The following RALYL variants were observed in gnomAD, a reference collection of about 807,000 sequenced individuals.
RALYL encodes the protein RALY RNA binding protein like.
A neutral mutation model predicts 35.1 loss-of-function variants in RALYL; 29 were observed. The ratio of observed to expected loss-of-function variants is 0.83; its 90% CI spans 0.61 to 1.13. The LOEUF is 1.13. Among genes scored for constraint, RALYL ranks in the 50% most tolerant of loss-of-function variants. The probability of loss-of-function intolerance (pLI) is 0.00; values close to 1 mark genes in which losing one functional copy is unlikely to be tolerated. For missense variants in RALYL, 359 were observed against 360.4 expected, an observed-to-expected ratio of 1.00 and a Z score of 0.03; for synonymous variants, 120 against 127.6, an observed-to-expected ratio of 0.94 and a Z score of 0.40.
At chr8:84,860,190 T>G (rs1169768056) in intron 5 of RALYL, among the ~76,000 whole-genome samples, 1 of 152,256 alleles carries the variant, frequency 6.6e-6, no homozygotes, top group Admixed American at 6.5e-5. Flanking sequence ...TAGTGAACTT[T>G]ACTTGGCCTG....
intron 7 of RALYL, among the ~76,000 whole-genome samples, chr8:84,884,631 A>C (rs898643979): frequency 6.6e-6 from 1 of 152,204 alleles, no homozygotes; most frequent in Non-Finnish European, 1.5e-5. Flanking sequence ...TCATTAGAGA[A>C]GAAATGGATA....
intron 1 of RALYL, among the ~76,000 whole-genome samples, chr8:84,238,177 C>G (rs1388182428): frequency 5.3e-5 from 8 of 151,918 alleles, no homozygotes; most frequent in Admixed American, 2.6e-4. Flanking sequence ...GGTCTATTAT[C>G]AGAGGTGAGG....
At chr8:84,666,488 G>A (rs949720718) in intron 2 of RALYL, among the ~76,000 whole-genome samples, 1 of 152,040 alleles carries the variant, frequency 6.6e-6, no homozygotes, top group African/African-American at 2.4e-5. Flanking sequence ...CATGTGGAAT[G>A]GAAAGGCATT....
intron 1 of RALYL, among the ~76,000 whole-genome samples, chr8:84,288,216 G>A (rs1838047736): frequency 6.6e-6 from 1 of 151,776 alleles, no homozygotes; most frequent in African/African-American, 2.4e-5. Context: ...CCTTAGAAAT[G>A]TCTGGTTGCT....
intron 1 of RALYL, among the ~76,000 whole-genome samples, chr8:84,435,381 T>G (rs2047601265): frequency 6.6e-6 from 1 of 152,116 alleles, no homozygotes. Flanking sequence ...TGGATGAAAT[T>G]TTTTCTCAAA....
intron 8 of RALYL, among the ~76,000 whole-genome samples, chr8:84,912,089 T>C (rs1237567181): frequency 1.3e-5 from 2 of 152,054 alleles, no homozygotes; most frequent in African/African-American, 4.8e-5. Flanking sequence ...GTTCAAACCC[T>C]CTAGTCATTC....
At chr8:84,612,088 C>A (rs1403569430) in intron 2 of RALYL, among the ~76,000 whole-genome samples, 2 of 151,826 alleles carry the variant, frequency 1.3e-5, no homozygotes, top group African/African-American at 4.8e-5. Flanking sequence ...CATATACTAA[C>A]CTTTTTCTCT....
intron 4 of RALYL, among the ~76,000 whole-genome samples, chr8:84,836,278 A>C (rs1043649838): frequency 1.3e-5 from 2 of 152,174 alleles, no homozygotes; most frequent in African/African-American, 4.8e-5. Context: ...TGAGACAGTA[A>C]ACTTGACTCA....
intron 4 of RALYL, among the ~76,000 whole-genome samples, chr8:84,833,146 T>G (rs922973385): frequency 2.0e-5 from 3 of 152,186 alleles, no homozygotes; most frequent in African/African-American, 7.2e-5. Context: ...CAATTATTTT[T>G]TATATAGGGT....
intron 1 of RALYL, among the ~76,000 whole-genome samples, chr8:84,452,179 T>C (rs952480596): frequency 2.0e-5 from 3 of 151,850 alleles, no homozygotes; most frequent in African/African-American, 2.4e-5. Context: ...CAAAACATCA[T>C]ATTGACCTTT....
intron 1 of RALYL, among the ~76,000 whole-genome samples, chr8:84,456,808 A>G (rs1482576411): frequency 6.6e-6 from 1 of 152,012 alleles, no homozygotes; most frequent in Admixed American, 6.6e-5. Context: ...GTACAATTAC[A>G]TCAGCCAGAA....
chr8:84,230,124 T>G (rs776351413), intron 1 of RALYL, among the ~76,000 whole-genome samples: 1 of 152,128 alleles, frequency 6.6e-6, no homozygotes, highest in Non-Finnish European at 1.5e-5. Context: ...GGTTAATTGT[T>G]GAAAATCCAC....
intron 4 of RALYL, among the ~76,000 whole-genome samples, chr8:84,841,627 A>G (rs1833382820): frequency 6.6e-6 from 1 of 152,232 alleles, no homozygotes; most frequent in Non-Finnish European, 1.5e-5. Context: ...CCTAATAGAC[A>G]TCTACAGAAC....
At chr8:84,320,504 T>C (rs889790913) in intron 1 of RALYL, among the ~76,000 whole-genome samples, 2 of 152,090 alleles carry the variant, frequency 1.3e-5, no homozygotes, top group African/African-American at 4.8e-5. Flanking sequence ...AGCTGTACTC[T>C]ATAGTTATAG....
At chr8:84,811,975 C>G (rs915742024) in intron 4 of RALYL, among the ~76,000 whole-genome samples, 1 of 152,164 alleles carries the variant, frequency 6.6e-6, no homozygotes, top group African/African-American at 2.4e-5. Context: ...AGCTTAATAA[C>G]TAACCTCCTG....
chr8:84,307,926 C>T (rs1349232372), intron 1 of RALYL, among the ~76,000 whole-genome samples: 2 of 151,924 alleles, frequency 1.3e-5, no homozygotes, highest in Non-Finnish European at 2.9e-5. Context: ...CAGGAAGTAG[C>T]TGGAAGTCCT....
At chr8:84,265,490 AG>A (rs1218443866) in intron 1 of RALYL, among the ~76,000 whole-genome samples, 1 of 152,164 alleles carries the variant, frequency 6.6e-6, no homozygotes, top group Non-Finnish European at 1.5e-5. Context: ...GCTGACAGCC[AG>A]GAAGGAGACA....
At chr8:84,506,139 C>T (rs1056259360) in intron 1 of RALYL, among the ~76,000 whole-genome samples, 5 of 152,042 alleles carry the variant, frequency 3.3e-5, no homozygotes, top group African/African-American at 1.2e-4. Flanking sequence ...CTAACTAGGT[C>T]ACCATGCTGT....
At chr8:84,392,299 C>T (rs2131813624) in intron 1 of RALYL, among the ~76,000 whole-genome samples, 1 of 152,070 alleles carries the variant, frequency 6.6e-6, no homozygotes, top group African/African-American at 2.4e-5. Flanking sequence ...TAGAAACTGT[C>T]CTCTTCATTA....
Sources: allele counts gnomAD v4.1 joint callset (sites outside exome capture counted in the v4.1 genomes callset), GRCh38; gene constraint gnomAD v4.1.1; transcripts MANE v1.5; gene names NCBI Gene and HGNC (gene_info 2026-07-23, HGNC 2026-07-21).